The following NPSR1 variants were observed in gnomAD, a reference collection of about 807,000 sequenced individuals.
NPSR1 encodes the protein neuropeptide S receptor 1.
In NPSR1, 48 loss-of-function variants were observed where a neutral mutation model predicts 46.9. That is an observed-to-expected ratio of 1.02 (90% CI 0.81 to 1.30). The LOEUF (loss-of-function observed/expected upper bound fraction) is 1.30, where lower values mean the gene tolerates loss of function less well. Ranked by LOEUF, NPSR1 falls within the 50% of genes most tolerant of loss-of-function variation. The pLI, the probability that NPSR1 is intolerant of heterozygous loss-of-function variation, is 0.00. For missense variants in NPSR1, 450 were observed against 449.5 expected (o/e 1.00, Z -0.01); for synonymous variants, 176 against 168.1 (o/e 1.05, Z -0.36).
Position 34,751,031 on chromosome 7 carries a change from C to A in NPSR1, c.281-27431C>A. On this transcript the variant is annotated intron_variant, in intron 2 of 8. Transcript: ENST00000360581. ...TCTTGGCCAGGGCAGCAATTTGAGA[C>A]TCAGGGTTGATGAGCAGCATGGCCA... The A allele has an allele frequency of 3.9e-6, 3 of 773,696 alleles. No homozygotes were observed. In the Admixed American group the frequency reaches 5.1e-5, roughly 13 times the overall value. 47.9% of individuals were successfully genotyped at this position (773,696 alleles called of 1,614,324 possible). A position where few individuals can be genotyped will look rare whatever the true frequency, so the allele number is the denominator to read the frequency against.
At chr7:34,772,560 G>A (rs1042534880) in intron 2 of NPSR1, among the ~76,000 whole-genome samples, 1 of 152,116 alleles carries the variant, frequency 6.6e-6, no homozygotes, top group Non-Finnish European at 1.5e-5. Flanking sequence ...TACAGCCCAT[G>A]GGTAGTACAG....
chr7:34,878,307 C>A, exon 9 of NPSR1: 1 of 529,902 alleles, frequency 1.9e-6, no homozygotes. Flanking sequence ...ATCAGATTCA[C>A]CAGGGAGGGC....
chr7:34,873,396 TAA>T (rs1182397153), intron 8 of NPSR1, among the ~76,000 whole-genome samples: 1 of 151,448 alleles, frequency 6.6e-6, no homozygotes, highest in Non-Finnish European at 1.5e-5. Flanking sequence ...TACACTGCTA[TAA>T]AAAAAAGTAC....
intron 2 of NPSR1, among the ~76,000 whole-genome samples, chr7:34,726,819 T>TAAA (rs35968998): frequency 8.1e-6 from 1 of 124,012 alleles, no homozygotes; most frequent in African/African-American, 2.8e-5. Context: ...ATGAAGACAG[T>TAAA]AAAAAAAAAA....
At chr7:34,847,395 G>C (rs1257322853) in intron 7 of NPSR1, among the ~76,000 whole-genome samples, 3 of 138,538 alleles carry the variant, frequency 2.2e-5, no homozygotes, top group Non-Finnish European at 4.8e-5. Flanking sequence ...GCTTTCCAGA[G>C]GAAAATGAGA....
At chr7:34,871,494 C>T (rs908333213) in intron 8 of NPSR1, 1 of 151,836 alleles carries the variant, frequency 6.6e-6, no homozygotes, top group Admixed American at 6.6e-5. Flanking sequence ...AAAATACAAT[C>T]ATACCTTTCC....
intron 1 of NPSR1, among the ~76,000 whole-genome samples, chr7:34,663,069 G>GTGTGTGTGTGTGTGTGTGTGTGTGTGTT (rs1203512481): frequency 4.2e-5 from 3 of 71,030 alleles, no homozygotes; most frequent in African/African-American, 1.1e-4. Context: ...CTCTCTCTCT[G>GTGTGTGTGTGTGTGTGTGTGTGTGTGTT]TGTGTGTGTG....
At chr7:34,866,208 GT>G (rs1401118844) in intron 8 of NPSR1, among the ~76,000 whole-genome samples, 1 of 151,810 alleles carries the variant, frequency 6.6e-6, no homozygotes, top group Non-Finnish European at 1.5e-5. Context: ...CGATGGATTG[GT>G]CAGCACACTA....
At position 34,773,422 on chromosome 7, in the gene NPSR1, T is replaced by C. The variant is rs143966667; in HGVS notation, c.281-5040T>C. On this transcript the variant is annotated intron_variant, in intron 2 of 8. Transcript: ENST00000360581. ...CTGATCACATACTATGTTGTGGGATTTCCATTCTTGTTTGGTAATCTAAAA... is the reference window on the plus strand; with the variant it reads ...CTGATCACATACTATGTTGTGGGATCTCCATTCTTGTTTGGTAATCTAAAA... 1.8e-3 allele frequency among the ~76,000 whole-genome samples: 267 copies of C among 152,278 alleles called. 1 individual carries two copies. Among genetic ancestry groups the C allele is most frequent in the African/African-American group, 6.1e-3 (254 of 41,572 alleles).
At chr7:34,725,888 T>G (rs1784123031) in intron 2 of NPSR1, among the ~76,000 whole-genome samples, 1 of 152,206 alleles carries the variant, frequency 6.6e-6, no homozygotes, top group Admixed American at 6.5e-5. Context: ...ATACTGTTTC[T>G]GTGGTAGTGA....
chr7:34,690,331 A>C (rs1287495649), intron 2 of NPSR1, among the ~76,000 whole-genome samples: 1 of 152,200 alleles, frequency 6.6e-6, no homozygotes, highest in Non-Finnish European at 1.5e-5. Context: ...ATAACTCGGA[A>C]TGTATGAATA....
chr7:34,717,162 C>T (rs558032267), intron 2 of NPSR1, among the ~76,000 whole-genome samples: 63 of 152,296 alleles, frequency 4.1e-4, no homozygotes, highest in Admixed American at 7.2e-4. Flanking sequence ...GACAGAGTTT[C>T]GCTCTTGTTG....
intron 2 of NPSR1, among the ~76,000 whole-genome samples, chr7:34,721,129 T>TGGTAA (rs1783835627): frequency 6.6e-6 from 1 of 152,072 alleles, no homozygotes; most frequent in Non-Finnish European, 1.5e-5. Flanking sequence ...AGGAATAGGA[T>TGGTAA]GGTAAGAAAG....
intron 3 of NPSR1, among the ~76,000 whole-genome samples, chr7:34,785,846 A>G (rs1254308831): frequency 6.6e-6 from 1 of 152,152 alleles, no homozygotes; most frequent in Non-Finnish European, 1.5e-5. Flanking sequence ...AATATGTCTA[A>G]AAAGTATACA....
chr7:34,709,354 T>C (rs536827338), intron 2 of NPSR1, among the ~76,000 whole-genome samples: 16 of 152,356 alleles, frequency 1.1e-4, no homozygotes, highest in African/African-American at 3.4e-4. Flanking sequence ...TCAATTTTAA[T>C]AATTAAGAGT....
At chr7:34,792,819 G>A (rs1037252397) in intron 3 of NPSR1, among the ~76,000 whole-genome samples, 2 of 146,726 alleles carry the variant, frequency 1.4e-5, no homozygotes, top group Non-Finnish European at 3.0e-5. Flanking sequence ...GGGGTGTCAA[G>A]GCTGCAGTGA....
At chr7:34,689,000 C>T (rs1037731663) in intron 2 of NPSR1, among the ~76,000 whole-genome samples, 2 of 152,202 alleles carry the variant, frequency 1.3e-5, no homozygotes, top group African/African-American at 4.8e-5. Context: ...GGTTTCCAGA[C>T]TCTATGCCTA....
At chr7:34,858,013 G>A (rs372340750) in intron 8 of NPSR1, among the ~76,000 whole-genome samples, 2 of 151,810 alleles carry the variant, frequency 1.3e-5, no homozygotes, top group East Asian at 3.8e-4. Flanking sequence ...ATGCATATTG[G>A]CCTAACTTAA....
chr7:34,703,381 A>T (rs992162551), intron 2 of NPSR1, among the ~76,000 whole-genome samples: 2 of 138,934 alleles, frequency 1.4e-5, no homozygotes, highest in African/African-American at 5.6e-5. Context: ...AAAATAAATA[A>T]ATAAATAAAT....
Sources: allele counts gnomAD v4.1 joint callset (sites outside exome capture counted in the v4.1 genomes callset), GRCh38; gene constraint gnomAD v4.1.1; transcripts MANE v1.5; gene names NCBI Gene and HGNC (gene_info 2026-07-23, HGNC 2026-07-21).